Variants in GUCY1A2 observed in about 807,000 individuals in gnomAD.
GUCY1A2 encodes the protein guanylate cyclase 1 soluble subunit alpha 2, also known as guanylate cyclase soluble subunit alpha-2.
GUCY1A2 carries 27 observed loss-of-function variants against 63.5 expected under a neutral mutation model. That is an observed-to-expected ratio of 0.43 (90% CI 0.31 to 0.59). The LOEUF (loss-of-function observed/expected upper bound fraction) is 0.59. GUCY1A2 is among the 20% of genes least tolerant of loss of function. GUCY1A2 has a pLI of 0.11. For missense variants in GUCY1A2, 768 were observed against 913.3 expected (o/e 0.84, Z 2.05); for synonymous variants, 364 against 343.5 (o/e 1.06, Z -0.66).
At chr11:106,716,612 C>CA (rs1377647064) in intron 6 of GUCY1A2, among the ~76,000 whole-genome samples, 1 of 151,052 alleles carries the variant, frequency 6.6e-6, no homozygotes, top group African/African-American at 2.4e-5. Flanking sequence ...CCGAGGTTAG[C>CA]AAAAAAATTA....
At position 106,786,156 on chromosome 11, in the gene GUCY1A2, A is replaced by G. The variant is rs539877860; in HGVS notation, c.1693-9574T>C. Among the ~76,000 whole-genome samples the G allele has an allele frequency of 2.9e-3, 448 of 152,334 alleles. 3 individuals carry two copies. The highest frequency in any genetic ancestry group is 0.01 in the African/African-American group (426 of 41,588). ...AGCTCAATTAAACACACCCAAGCTC[A>G]TTGTACATAATGATTTAGCAATTCA... is the stretch of plus-strand genomic sequence containing the variant. On this transcript the variant is annotated intron_variant, in intron 5 of 7. Transcript: ENST00000526355.
At chr11:106,733,250 T>C (rs992157907) in intron 6 of GUCY1A2, among the ~76,000 whole-genome samples, 1 of 152,168 alleles carries the variant, frequency 6.6e-6, no homozygotes, top group Non-Finnish European at 1.5e-5. Flanking sequence ...ACTTTTTATA[T>C]ACATAAACAT....
At chr11:106,832,085 C>T (rs1859058353) in intron 4 of GUCY1A2, among the ~76,000 whole-genome samples, 1 of 152,138 alleles carries the variant, frequency 6.6e-6, no homozygotes, top group Admixed American at 6.5e-5. Flanking sequence ...AATTCTGAAT[C>T]CAAAGCTTTG....
At position 106,677,107 on chromosome 11, in the gene GUCY1A2, C is replaced by T; in HGVS notation, c.*10442G>A. ...ATGTGAAAGTGAAAAAGGGAGGCTC[C>T]AGCCCAAATAGTAAAGTACTATTGT... On this transcript the variant is annotated 3_prime_UTR_variant, in exon 8 of 8. Transcript: ENST00000526355. The T allele has an allele frequency of 4.6e-6, 1 of 215,092 alleles. No individual in the cohort carries two copies. Among genetic ancestry groups the T allele is most frequent in the East Asian group, 6.8e-5 (1 of 14,752 alleles). The allele number at this position is 215,092 out of a possible 1,614,324, so 13.3% of individuals were successfully genotyped here.
rs113333261 is a variant in GUCY1A2, at chr11:106,737,473, C to T, written c.1837-28807G>A. ...TGCAACTTTGTTACATAGTTATACACGTGCCATGGTGGTTTGCTGCACCCA... is the reference window on the plus strand; with the variant it reads ...TGCAACTTTGTTACATAGTTATACATGTGCCATGGTGGTTTGCTGCACCCA... On this transcript the variant is annotated intron_variant, in intron 6 of 7. Transcript: ENST00000526355. 7.2e-3 allele frequency among the ~76,000 whole-genome samples: 1,088 copies of T among 152,086 alleles called. 8 individuals are homozygous for T. Among genetic ancestry groups the T allele is most frequent in the African/African-American group, 0.025 (1,018 of 41,492 alleles).
chr11:106,701,196 C>T (rs1565261818), intron 7 of GUCY1A2, among the ~76,000 whole-genome samples: 1 of 152,000 alleles, frequency 6.6e-6, no homozygotes, highest in Non-Finnish European at 1.5e-5. Context: ...CATGCTTATA[C>T]AAAATGTTTT....
At chr11:106,756,710 A>G (rs1184192761) in intron 6 of GUCY1A2, among the ~76,000 whole-genome samples, 1 of 152,146 alleles carries the variant, frequency 6.6e-6, no homozygotes, top group Non-Finnish European at 1.5e-5. Flanking sequence ...TTTTGCCGAG[A>G]GATCTGCTGT....
chr11:106,950,474 T>G (rs896183245), intron 3 of GUCY1A2, among the ~76,000 whole-genome samples: 3 of 152,242 alleles, frequency 2.0e-5, no homozygotes, highest in Non-Finnish European at 4.4e-5. Context: ...GAATGCAATC[T>G]GCCACACTGA....
At chr11:106,989,521 G>A (rs978864364) in intron 1 of GUCY1A2, among the ~76,000 whole-genome samples, 1 of 152,100 alleles carries the variant, frequency 6.6e-6, no homozygotes, top group East Asian at 1.9e-4. Flanking sequence ...TGTAATAAAT[G>A]AGAGATATGG....
chr11:106,988,824 T>C (rs1861435381), intron 1 of GUCY1A2, among the ~76,000 whole-genome samples: 1 of 152,188 alleles, frequency 6.6e-6, no homozygotes. Context: ...CTTATCACCA[T>C]GGATTCATTC....
chr11:106,716,545 C>G (rs986879095), intron 6 of GUCY1A2, among the ~76,000 whole-genome samples: 4 of 151,992 alleles, frequency 2.6e-5, no homozygotes, highest in Admixed American at 6.6e-5. Flanking sequence ...TTTGGTGGGA[C>G]TGACGCCACC....
At chr11:106,826,794 G>A (rs1858976955) in intron 4 of GUCY1A2, 3 of 1,610,088 alleles carry the variant, frequency 1.9e-6, no homozygotes, top group Admixed American at 1.7e-5. Flanking sequence ...GCCAGACTGG[G>A]CTCAGCTGCC....
At chr11:106,866,134 C>T (rs1181682267) in intron 4 of GUCY1A2, among the ~76,000 whole-genome samples, 1 of 151,880 alleles carries the variant, frequency 6.6e-6, no homozygotes, top group Non-Finnish European at 1.5e-5. Flanking sequence ...AGATCAGGAA[C>T]ATCTAGGAGC....
rs912022619 is a variant in GUCY1A2, at chr11:106,677,122, A to T, written c.*10427T>A. On this transcript the variant is annotated 3_prime_UTR_variant, in exon 8 of 8. Coordinates refer to ENST00000526355, the MANE Select transcript of GUCY1A2 (RefSeq NM_000855.3). ...AGGGAGGCTCCAGCCCAAATAGTAA[A>T]GTACTATTGTCATTTATCTTATAAG... 3 of 216,534 alleles carry T rather than the reference A, an allele frequency of 1.4e-5. No individual in the cohort carries two copies. Among genetic ancestry groups the T allele is most frequent in the African/African-American group, 6.8e-5 (3 of 44,386 alleles). The allele number at this position is 216,534 out of a possible 1,614,324, so 13.4% of individuals were successfully genotyped here. A position where few individuals can be genotyped will look rare whatever the true frequency, so the allele number is the denominator to read the frequency against.
At chr11:106,713,922 G>T (rs74335601) in intron 6 of GUCY1A2, among the ~76,000 whole-genome samples, 1 of 151,562 alleles carries the variant, frequency 6.6e-6, no homozygotes, top group Non-Finnish European at 1.5e-5. Context: ...AAGACTGTCC[G>T]TTTGAGATTC....
At chr11:106,873,443 GT>G (rs957555945) in intron 4 of GUCY1A2, among the ~76,000 whole-genome samples, 13 of 152,050 alleles carry the variant, frequency 8.5e-5, no homozygotes, top group African/African-American at 2.2e-4. Flanking sequence ...TGTTTCTTCA[GT>G]TTTTAACAAT....
chr11:106,843,028 G>C (rs1182164728), intron 4 of GUCY1A2, among the ~76,000 whole-genome samples: 1 of 151,812 alleles, frequency 6.6e-6, no homozygotes, highest in African/African-American at 2.4e-5. Flanking sequence ...TCATTCAAGG[G>C]AGAAAAAGGT....
At chr11:106,951,422 A>G (rs1457447476) in intron 3 of GUCY1A2, among the ~76,000 whole-genome samples, 1 of 152,158 alleles carries the variant, frequency 6.6e-6, no homozygotes, top group Non-Finnish European at 1.5e-5. Flanking sequence ...TGACTTTTTA[A>G]TAATCACCAT....
chr11:106,695,378 A>T (rs1305538724), intron 7 of GUCY1A2, among the ~76,000 whole-genome samples: 1 of 152,226 alleles, frequency 6.6e-6, no homozygotes, highest in African/African-American at 2.4e-5. Flanking sequence ...CTGTTGTTAC[A>T]AATTATTCAT....
Sources: allele counts gnomAD v4.1 joint callset (sites outside exome capture counted in the v4.1 genomes callset), GRCh38; gene constraint gnomAD v4.1.1; transcripts MANE v1.5; gene names NCBI Gene and HGNC (gene_info 2026-07-23, HGNC 2026-07-21).